Variants in CYFIP2 observed in about 807,000 individuals in gnomAD.
CYFIP2 encodes the protein cytoplasmic FMR1 interacting protein 2, also known as cytoplasmic FMR1-interacting protein 2.
A neutral mutation model predicts 158.7 loss-of-function variants in CYFIP2; 29 were observed. The observed-to-expected ratio is 0.18, with a 90% CI of 0.14 to 0.25. The LOEUF (loss-of-function observed/expected upper bound fraction) is 0.25, where lower values mean the gene tolerates loss of function less well. CYFIP2 is among the 10% of genes least tolerant of loss of function. The pLI is 1.00. For synonymous variants in CYFIP2, 585 were observed against 617.6 expected, an observed-to-expected ratio of 0.95 and a Z score of 0.78; for missense variants, 852 against 1,639.5, an observed-to-expected ratio of 0.52 and a Z score of 8.29.
At chr5:157,334,798 C>T (rs899231291) in intron 21 of CYFIP2, among the ~76,000 whole-genome samples, 1 of 152,048 alleles carries the variant, frequency 6.6e-6, no homozygotes, top group Non-Finnish European at 1.5e-5. Flanking sequence ...CAACTAAATG[C>T]AACATGGAAT....
intron 1 of CYFIP2, among the ~76,000 whole-genome samples, chr5:157,279,257 A>G (rs764125249): frequency 5.9e-5 from 9 of 152,250 alleles, no homozygotes; most frequent in Non-Finnish European, 1.2e-4. Context: ...GTTAAGGAAC[A>G]TGCTATTGTT....
At chr5:157,348,859 C>G (rs1488628076) in intron 23 of CYFIP2, among the ~76,000 whole-genome samples, 1 of 152,040 alleles carries the variant, frequency 6.6e-6, no homozygotes, top group African/African-American at 2.4e-5. Context: ...AGTGGTGAGT[C>G]CCCACAGAGC....
At chr5:157,271,458 C>T (rs1027203843) in intron 1 of CYFIP2, 1 of 152,820 alleles carries the variant, frequency 6.5e-6, no homozygotes, top group Admixed American at 6.5e-5. Context: ...CCCCCACAGC[C>T]AACCCCCCAA....
chr5:157,313,576 C>T (rs1480727237), intron 11 of CYFIP2, among the ~76,000 whole-genome samples: 1 of 152,176 alleles, frequency 6.6e-6, no homozygotes, highest in Non-Finnish European at 1.5e-5. Flanking sequence ...CCGACTTCAG[C>T]TGGGAGTGGG....
intron 28 of CYFIP2, among the ~76,000 whole-genome samples, chr5:157,387,626 G>A (rs1182511670): frequency 6.6e-6 from 1 of 151,918 alleles, no homozygotes; most frequent in Non-Finnish European, 1.5e-5. Context: ...ATAGAACAGA[G>A]TAAGAACAAA....
chr5:157,392,695 GA>G (rs1220747334), intron 30 of CYFIP2, 137 bp from the exon 31 acceptor site: 1 of 938,818 alleles, frequency 1.1e-6, no homozygotes, highest in Non-Finnish European at 1.6e-6. Flanking sequence ...AGATCCAGGG[GA>G]TTCCATAAAA....
intron 6 of CYFIP2, among the ~76,000 whole-genome samples, 153 bp from the exon 7 acceptor site, chr5:157,302,641 G>C (rs1202848938): frequency 6.6e-6 from 1 of 152,182 alleles, no homozygotes. Flanking sequence ...AACACACTCT[G>C]TTTCGACATT....
chr5:157,368,902 G>GT (rs57932474), intron 26 of CYFIP2, among the ~76,000 whole-genome samples: 5,759 of 143,254 alleles, frequency 0.04, 274 homozygotes, highest in African/African-American at 0.099. Context: ...TTGTTTTTTT[G>GT]TTTTTTTTTT....
chr5:157,346,633 G>A (rs945956252), intron 23 of CYFIP2, among the ~76,000 whole-genome samples: 1 of 152,168 alleles, frequency 6.6e-6, no homozygotes, highest in Non-Finnish European at 1.5e-5. Context: ...CAGGCTTCTG[G>A]TCTCCAGAAC....
chr5:157,349,958 G>A (rs1190205805), intron 23 of CYFIP2, among the ~76,000 whole-genome samples: 1 of 151,800 alleles, frequency 6.6e-6, no homozygotes, highest in Non-Finnish European at 1.5e-5. Flanking sequence ...CTTTTTGATG[G>A]GATTGTTTGT....
At chr5:157,391,271 G>A (rs1197847398) in intron 30 of CYFIP2, among the ~76,000 whole-genome samples, 2 of 152,286 alleles carry the variant, frequency 1.3e-5, no homozygotes, top group South Asian at 2.1e-4. Flanking sequence ...AGAGAGGTAA[G>A]AGCCACCTCA....
intron 26 of CYFIP2, among the ~76,000 whole-genome samples, chr5:157,382,190 C>T (rs752685379): frequency 3.3e-5 from 5 of 152,206 alleles, no homozygotes; most frequent in Non-Finnish European, 5.9e-5. Flanking sequence ...GACCTAGCCA[C>T]CTGCCTTGAG....
intron 26 of CYFIP2, chr5:157,364,445 C>T (rs942080080): frequency 4.6e-5 from 7 of 152,244 alleles, no homozygotes; most frequent in Non-Finnish European, 8.8e-5. Context: ...AGACCTGAGA[C>T]AGACCCGCTA....
intron 26 of CYFIP2, among the ~76,000 whole-genome samples, chr5:157,371,362 G>A (rs564186900): frequency 2.0e-5 from 3 of 152,240 alleles, no homozygotes; most frequent in Non-Finnish European, 2.9e-5. Flanking sequence ...AAAACATAAT[G>A]CATTAGTGTT....
At chr5:157,291,630 G>A (rs1757824361) in intron 3 of CYFIP2, among the ~76,000 whole-genome samples, 1 of 152,210 alleles carries the variant, frequency 6.6e-6, no homozygotes, top group Non-Finnish European at 1.5e-5. Flanking sequence ...CATGTGTTCT[G>A]AGGCAGATGA....
intron 11 of CYFIP2, among the ~76,000 whole-genome samples, chr5:157,312,987 C>T (rs192724696): frequency 2.0e-4 from 30 of 152,334 alleles, no homozygotes; most frequent in Admixed American, 1.8e-3. Context: ...GCTGGGATTA[C>T]AGGCATCAGC....
intron 21 of CYFIP2, 39 bp downstream of exon 21, chr5:157,333,485 T>C (rs1331052435): frequency 2.5e-6 from 4 of 1,613,648 alleles, no homozygotes; most frequent in Non-Finnish European, 2.5e-6. Context: ...TGCTCTGTGA[T>C]TTCTCAGACT....
intron 1 of CYFIP2, among the ~76,000 whole-genome samples, chr5:157,274,956 T>A (rs1322615950): frequency 6.6e-6 from 1 of 152,142 alleles, no homozygotes; most frequent in Non-Finnish European, 1.5e-5. Flanking sequence ...AAAATTTTTT[T>A]GTAGAAACAG....
chr5:157,283,295 A>C (rs1434936538), intron 1 of CYFIP2, among the ~76,000 whole-genome samples: 1 of 152,264 alleles, frequency 6.6e-6, no homozygotes, highest in Non-Finnish European at 1.5e-5. Flanking sequence ...TAAGGGCTAA[A>C]GAAATGTTTC....
Sources: allele counts gnomAD v4.1 joint callset (sites outside exome capture counted in the v4.1 genomes callset), GRCh38; gene constraint gnomAD v4.1.1; transcripts MANE v1.5; gene names NCBI Gene and HGNC (gene_info 2026-07-23, HGNC 2026-07-21).